The following ALK variants were observed in gnomAD, a reference collection of about 807,000 sequenced individuals.
ALK encodes the protein ALK tyrosine kinase receptor.
ALK carries 74 observed loss-of-function variants against 163.1 expected under a neutral mutation model. The ratio of observed to expected loss-of-function variants is 0.45; its 90% CI spans 0.38 to 0.55. ALK has a LOEUF of 0.55. ALK is among the 20% of genes least tolerant of loss of function. The pLI, the probability that ALK is intolerant of heterozygous loss-of-function variation, is 0.00. For missense variants in ALK, 2,063 were observed against 2,105.3 expected (o/e 0.98, Z 0.39); for synonymous variants, 960 against 843.2 (o/e 1.14, Z -2.40).
chr2:29,492,563 C>T (rs1237919537), intron 4 of ALK, among the ~76,000 whole-genome samples: 1 of 152,194 alleles, frequency 6.6e-6, no homozygotes, highest in Non-Finnish European at 1.5e-5. Context: ...GCTGTTTCTG[C>T]ACACGGTCAG....
intron 1 of ALK, among the ~76,000 whole-genome samples, chr2:29,731,060 C>T (rs1489208281): frequency 6.6e-6 from 1 of 152,162 alleles, no homozygotes; most frequent in Non-Finnish European, 1.5e-5. Context: ...TGAGTAAGGG[C>T]TTTGAAGGTT....
chr2:29,654,757 C>A (rs1677134474), intron 3 of ALK, among the ~76,000 whole-genome samples: 1 of 151,996 alleles, frequency 6.6e-6, no homozygotes, highest in Non-Finnish European at 1.5e-5. Context: ...ATTAAGAGTT[C>A]TTATTTTTAG....
intron 3 of ALK, among the ~76,000 whole-genome samples, chr2:29,610,380 GCTCCA>G (rs2148221028): frequency 6.6e-6 from 1 of 152,158 alleles, no homozygotes; most frequent in South Asian, 2.1e-4. Context: ...TATAATAATG[GCTCCA>G]AGAACATTAG....
chr2:29,494,939 TTTTG>T (rs1325790664), intron 4 of ALK, among the ~76,000 whole-genome samples: 1 of 152,100 alleles, frequency 6.6e-6, no homozygotes, highest in Non-Finnish European at 1.5e-5. Flanking sequence ...GAAGGGACTA[TTTTG>T]TTTGTTTCAT....
rs76381791 is a variant in ALK, at chr2:29,268,329, T to G, written c.2041+6770A>C. Reference sequence around the variant, plus strand: ...GAAAATGATGATTAGTTCAGAATAATTTGCAATGCACCATCTAGGGCAAGG... The same window carrying G: ...GAAAATGATGATTAGTTCAGAATAAGTTGCAATGCACCATCTAGGGCAAGG... On this transcript the variant is annotated intron_variant, in intron 11 of 28. Coordinates refer to ENST00000389048, the MANE Select transcript of ALK (RefSeq NM_004304.5). Among the ~76,000 whole-genome samples, 56 of 152,296 alleles carry G rather than the reference T, an allele frequency of 3.7e-4. 1 individual carries two copies. The East Asian group carries it at 0.011, about 29-fold the overall frequency.
intron 4 of ALK, among the ~76,000 whole-genome samples, chr2:29,495,244 G>A (rs914591992): frequency 6.6e-5 from 10 of 152,110 alleles, no homozygotes; most frequent in Non-Finnish European, 1.0e-4. Context: ...GGGATGAAGT[G>A]CATCCTGCCT....
At chr2:29,551,117 A>G (rs1211408833) in intron 3 of ALK, among the ~76,000 whole-genome samples, 1 of 152,150 alleles carries the variant, frequency 6.6e-6, no homozygotes, top group Non-Finnish European at 1.5e-5. Flanking sequence ...AAAACCTTAA[A>G]CTGTGCATAT....
chr2:29,795,167 A>C (rs1245491117), intron 1 of ALK, among the ~76,000 whole-genome samples: 1 of 151,844 alleles, frequency 6.6e-6, no homozygotes, highest in Non-Finnish European at 1.5e-5. Flanking sequence ...GAACATCAAC[A>C]GAAAATTCAG....
chr2:29,727,163 G>C (rs1392711925), intron 1 of ALK, among the ~76,000 whole-genome samples: 2 of 152,194 alleles, frequency 1.3e-5, no homozygotes, highest in Non-Finnish European at 2.9e-5. Flanking sequence ...AGCCACGACT[G>C]TTTCCATGGC....
chr2:29,607,444 A>C (rs1401260800), intron 3 of ALK, among the ~76,000 whole-genome samples: 1 of 152,166 alleles, frequency 6.6e-6, no homozygotes, highest in Non-Finnish European at 1.5e-5. Flanking sequence ...CCTCTAAAGC[A>C]CTGTCAATAT....
rs535335995 is a variant in ALK at position 29,466,741 on chromosome 2, A to T, written c.1154+65174T>A. On this transcript the variant is annotated intron_variant, in intron 4 of 28. Coordinates refer to ENST00000389048, the MANE Select transcript of ALK (RefSeq NM_004304.5). ...TTTACATTTGATGAAAATGAGGTAG[A>T]AAAAAGCTGAAGAGTTTGTTTTGAG... Among the ~76,000 whole-genome samples, 4 of 152,362 alleles carry T rather than the reference A, an allele frequency of 2.6e-5. No individual in the cohort carries two copies. The East Asian group carries it at 7.7e-4, about 29-fold the overall frequency.
Position 29,800,449 on chromosome 2 carries a change from T to C in ALK, c.668-82752A>G, listed in dbSNP as rs116793211. On this transcript the variant is annotated intron_variant, in intron 1 of 28. Transcript: ENST00000389048. Reference sequence around the variant, plus strand: ...AATGTAAGATGATCACATAAAACAGTTGGAAGAAGGTGTTGGGACTATGCA... The same window carrying C: ...AATGTAAGATGATCACATAAAACAGCTGGAAGAAGGTGTTGGGACTATGCA... 7.2e-3 allele frequency among the ~76,000 whole-genome samples: 1,092 copies of C among 152,292 alleles called. 9 individuals are homozygous for C. Among genetic ancestry groups the C allele is most frequent in the African/African-American group, 0.015 (604 of 41,564 alleles).
At chr2:29,722,223 T>C (rs1031665580) in intron 1 of ALK, among the ~76,000 whole-genome samples, 6 of 152,228 alleles carry the variant, frequency 3.9e-5, no homozygotes, top group African/African-American at 1.4e-4. Context: ...TTAGGAACTG[T>C]CATGGCTGAG....
rs17007821 is a variant in ALK, at chr2:29,297,557, C to T, written c.1648-500G>A. On this transcript the variant is annotated intron_variant, in intron 8 of 28. Transcript: ENST00000389048. ...ATCTCATTTGAATGGTGTCATGTCACATGTCAGCTAACTAAAGACCCAATG... is the reference window on the plus strand; with the variant it reads ...ATCTCATTTGAATGGTGTCATGTCATATGTCAGCTAACTAAAGACCCAATG... Among the ~76,000 whole-genome samples the T allele has an allele frequency of 8.6e-4, 131 of 152,330 alleles. 4 individuals are homozygous for T. The East Asian group carries it at 0.024, about 27-fold the overall frequency.
At chr2:29,846,279 C>T (rs922852707) in intron 1 of ALK, among the ~76,000 whole-genome samples, 2 of 152,216 alleles carry the variant, frequency 1.3e-5, no homozygotes, top group African/African-American at 2.4e-5. Context: ...AGCCAGTTCA[C>T]GCTGACTGGC....
Position 29,320,770 on chromosome 2 carries a change from G to A in ALK, c.1527C>T (p.Ala509=), listed in dbSNP as rs769731138. Residue 509 remains alanine, a synonymous_variant, in exon 7 of 29, where the codon GCC becomes GCT. Transcript: ENST00000389048. Reference sequence around the variant, plus strand: ...TAGTACCTTGGTGGTCCTGGAACCGGGCATCCTTTAGGGTCCTGACCTGCC... The same window carrying A: ...TAGTACCTTGGTGGTCCTGGAACCGAGCATCCTTTAGGGTCCTGACCTGCC... ...PQWQVRTLKD[A]RFQDHQDHAL... 1 of 1,613,958 alleles carries A rather than the reference G, an allele frequency of 6.2e-7. No homozygotes were observed. The highest frequency in any genetic ancestry group is 1.1e-5 in the South Asian group (1 of 91,060).
intron 5 of ALK, among the ~76,000 whole-genome samples, chr2:29,346,484 C>T (rs1385668179): frequency 6.6e-6 from 1 of 152,222 alleles, no homozygotes; most frequent in Non-Finnish European, 1.5e-5. Flanking sequence ...CTGTTGGCAT[C>T]TCTCAGGGCC....
At chr2:29,838,284 T>C (rs951826991) in intron 1 of ALK, among the ~76,000 whole-genome samples, 1 of 152,092 alleles carries the variant, frequency 6.6e-6, no homozygotes. Flanking sequence ...AGACAAAAAG[T>C]TGGGTCAGAA....
chr2:29,413,752 C>T (rs1210038318), intron 4 of ALK, among the ~76,000 whole-genome samples: 7 of 152,124 alleles, frequency 4.6e-5, no homozygotes, highest in South Asian at 4.1e-4. Flanking sequence ...AGGCTGGTCT[C>T]GAACTCCTGA....
Sources: gnomAD v4.1 joint callset for allele counts (sites outside exome capture counted in the v4.1 genomes callset) on GRCh38, gnomAD v4.1.1 for gene constraint, MANE v1.5 for transcripts, NCBI Gene and HGNC (gene_info 2026-07-23, HGNC 2026-07-21) for gene names.